The following NCAM2 variants were observed in gnomAD, a reference collection of about 807,000 sequenced individuals.
NCAM2 encodes the protein neural cell adhesion molecule 2.
A neutral mutation model predicts 98.1 loss-of-function variants in NCAM2; 30 were observed. That is an observed-to-expected ratio of 0.31 (90% CI 0.23 to 0.41). The LOEUF (loss-of-function observed/expected upper bound fraction) is 0.41. Ranked by LOEUF, NCAM2 falls within the 10% of genes least tolerant of loss-of-function variation. The probability of loss-of-function intolerance (pLI) is 1.00; values close to 1 mark genes in which losing one functional copy is unlikely to be tolerated. For missense variants in NCAM2, 867 were observed against 1,005.8 expected (o/e 0.86, Z 1.87); for synonymous variants, 368 against 342.4 (o/e 1.07, Z -0.83).
intron 9 of NCAM2, among the ~76,000 whole-genome samples, chr21:21,393,948 T>G (rs1311811633): frequency 6.6e-6 from 1 of 152,178 alleles, no homozygotes; most frequent in Non-Finnish European, 1.5e-5. Flanking sequence ...ATAATTCACC[T>G]TACTTATCAA....
chr21:21,525,956 CATA>C (rs1228191613), intron 16 of NCAM2, among the ~76,000 whole-genome samples: 1 of 151,976 alleles, frequency 6.6e-6, no homozygotes, highest in Non-Finnish European at 1.5e-5. Flanking sequence ...GATACCCATT[CATA>C]ATAAAAGCTT....
At chr21:21,436,700 G>C (rs1463929836) in intron 12 of NCAM2, among the ~76,000 whole-genome samples, 1 of 151,858 alleles carries the variant, frequency 6.6e-6, no homozygotes, top group Non-Finnish European at 1.5e-5. Flanking sequence ...ACCTCTGACT[G>C]GGTCTTAAGT....
At chr21:21,410,244 C>A (rs372479099) in intron 9 of NCAM2, 30 bp from the exon 10 acceptor site, 4 of 1,187,904 alleles carry the variant, frequency 3.4e-6, no homozygotes, top group Non-Finnish European at 4.5e-6. Context: ...AAGAAAATGC[C>A]TATAATTATT....
chr21:21,264,275 C>A (rs1372516989), intron 1 of NCAM2, among the ~76,000 whole-genome samples: 1 of 151,930 alleles, frequency 6.6e-6, no homozygotes, highest in East Asian at 1.9e-4. Context: ...CAGAGAAATG[C>A]AAATTAAAAC....
At chr21:21,259,853 T>C (rs548671868) in intron 1 of NCAM2, among the ~76,000 whole-genome samples, 1 of 148,614 alleles carries the variant, frequency 6.7e-6, no homozygotes, top group African/African-American at 2.5e-5. Flanking sequence ...ACAACATAAA[T>C]CACAGTCATA....
chr21:21,113,221 C>T (rs1397674359), intron 1 of NCAM2, among the ~76,000 whole-genome samples: 28 of 152,110 alleles, frequency 1.8e-4, no homozygotes, highest in Admixed American at 1.8e-3. Flanking sequence ...TTGACCTTTG[C>T]GCTAGTAGGC....
chr21:21,463,350 G>C (rs887060137), intron 12 of NCAM2, among the ~76,000 whole-genome samples: 1 of 152,038 alleles, frequency 6.6e-6, no homozygotes, highest in East Asian at 1.9e-4. Flanking sequence ...TCATGTTCAC[G>C]CAGTGTTAAT....
intron 5 of NCAM2, among the ~76,000 whole-genome samples, chr21:21,308,050 C>G (rs955393120): frequency 2.3e-5 from 3 of 128,632 alleles, no homozygotes; most frequent in Admixed American, 1.8e-4. Flanking sequence ...CCCCCAACAA[C>G]TGTGCTATGC....
chr21:21,481,658 G>T (rs182888451), intron 15 of NCAM2, among the ~76,000 whole-genome samples: 20 of 152,278 alleles, frequency 1.3e-4, no homozygotes, highest in Non-Finnish European at 1.6e-4. Flanking sequence ...AAATCAAGGA[G>T]TCGTGGAGCA....
At chr21:21,094,163 C>T (rs2146459339) in intron 1 of NCAM2, among the ~76,000 whole-genome samples, 1 of 151,798 alleles carries the variant, frequency 6.6e-6, no homozygotes, top group Admixed American at 6.6e-5. Context: ...CCAGGCTGTA[C>T]ATGCTGAATA....
At chr21:21,520,006 T>C (rs2146385551) in intron 16 of NCAM2, among the ~76,000 whole-genome samples, 1 of 152,248 alleles carries the variant, frequency 6.6e-6, no homozygotes, top group Non-Finnish European at 1.5e-5. Context: ...AAAGTTCTAT[T>C]TTAATTTGGT....
intron 1 of NCAM2, among the ~76,000 whole-genome samples, chr21:21,075,417 A>G (rs1245795984): frequency 6.6e-6 from 1 of 152,222 alleles, no homozygotes; most frequent in East Asian, 1.9e-4. Flanking sequence ...GATTTGATTT[A>G]TTAATGCTGT....
chr21:21,350,484 G>C (rs924862050), intron 8 of NCAM2, among the ~76,000 whole-genome samples: 6 of 152,162 alleles, frequency 3.9e-5, no homozygotes, highest in South Asian at 4.2e-4. Context: ...AAAAAATTAT[G>C]CCTTTTATAT....
chr21:21,495,756 A>G (rs1443979405), intron 15 of NCAM2, among the ~76,000 whole-genome samples: 1 of 151,982 alleles, frequency 6.6e-6, no homozygotes, highest in Non-Finnish European at 1.5e-5. Flanking sequence ...TCAGATTAAA[A>G]TGGACTCCTT....
chr21:21,040,403 A>C (rs2064880867), intron 1 of NCAM2, among the ~76,000 whole-genome samples: 2 of 152,144 alleles, frequency 1.3e-5, no homozygotes, highest in South Asian at 4.1e-4. Context: ...ATAATTATTT[A>C]GATATATGAA....
In NCAM2 at chr21:21,315,118, T is replaced by TGG. The variant is rs770482444; in HGVS notation, c.620-9265_620-9264insGG. On this transcript the variant is annotated intron_variant, in intron 5 of 17. Transcript: ENST00000400546. ...CAGTTTGTTTAGATCAGACAACAAA[T>TGG]TCTGACCATCTTTCTTGGTTTTATA... is the stretch of plus-strand genomic sequence containing the variant. Among the ~76,000 whole-genome samples the TGG allele has an allele frequency of 7.2e-3, 1,096 of 152,300 alleles. 13 individuals are homozygous for TGG. The highest frequency in any genetic ancestry group is 0.013 in the South Asian group (65 of 4,828).
intron 4 of NCAM2, among the ~76,000 whole-genome samples, chr21:21,290,803 C>G (rs2073262513): frequency 6.6e-6 from 1 of 151,816 alleles, no homozygotes; most frequent in Non-Finnish European, 1.5e-5. Context: ...GACTTCTCCC[C>G]TCTCATTAAG....
At chr21:21,524,177 A>G (rs1298144710) in intron 16 of NCAM2, among the ~76,000 whole-genome samples, 1 of 152,160 alleles carries the variant, frequency 6.6e-6, no homozygotes, top group Non-Finnish European at 1.5e-5. Flanking sequence ...TCAACTTCAG[A>G]GCAAGGAAAG....
At chr21:21,188,685 G>T (rs1436208031) in intron 1 of NCAM2, among the ~76,000 whole-genome samples, 1 of 152,140 alleles carries the variant, frequency 6.6e-6, no homozygotes, top group Non-Finnish European at 1.5e-5. Flanking sequence ...TGTGTAAATT[G>T]TAGATGACAA....
Sources: gnomAD v4.1 joint callset for allele counts (sites outside exome capture counted in the v4.1 genomes callset) on GRCh38, gnomAD v4.1.1 for gene constraint, MANE v1.5 for transcripts, NCBI Gene and HGNC (gene_info 2026-07-23, HGNC 2026-07-21) for gene names.